Variants in CAMK2D observed in about 807,000 individuals in gnomAD.
The protein encoded by CAMK2D is calcium/calmodulin-dependent protein kinase type II subunit delta.
A neutral mutation model predicts 84.0 loss-of-function variants in CAMK2D; 37 were observed. The observed-to-expected ratio is 0.44, with a 90% CI of 0.34 to 0.58. The LOEUF is 0.58. Ranked by LOEUF, CAMK2D falls within the 20% of genes least tolerant of loss-of-function variation. The pLI is 0.02. For synonymous variants in CAMK2D, 202 were observed against 212.5 expected (o/e 0.95, Z 0.43); for missense variants, 448 against 652.5 (o/e 0.69, Z 3.41).
chr4:113,473,632 T>C (rs1055506253), intron 16 of CAMK2D, among the ~76,000 whole-genome samples: 1 of 152,142 alleles, frequency 6.6e-6, no homozygotes, highest in African/African-American at 2.4e-5. Context: ...GCTTTCAGGA[T>C]TAAAAAAAAT....
intron 5 of CAMK2D, among the ~76,000 whole-genome samples, chr4:113,550,916 T>C (rs2098623327): frequency 6.6e-6 from 1 of 152,148 alleles, no homozygotes; most frequent in Admixed American, 6.5e-5. Flanking sequence ...AACAGTGCAT[T>C]AAACCAAGAA....
rs118017350 is a variant in CAMK2D at position 113,483,385 on chromosome 4, G to A, written c.1135+17078C>T. 1.6e-3 allele frequency among the ~76,000 whole-genome samples: 244 copies of A among 151,828 alleles called. 4 individuals are homozygous for A. Among genetic ancestry groups the A allele is most frequent in the East Asian group, 8.3e-3 (43 of 5,180 alleles). Reference sequence around the variant, plus strand: ...AAGCATTCTGTGTTTGTTCACATATGATAGCAGCTATATCCTTATGCTTCT... The same window carrying A: ...AAGCATTCTGTGTTTGTTCACATATAATAGCAGCTATATCCTTATGCTTCT... On this transcript the variant is annotated intron_variant, in intron 16 of 20. Coordinates refer to ENST00000511664, the MANE Select transcript of CAMK2D (RefSeq NM_001321571.2).
Position 113,630,632 on chromosome 4 carries a change from C to T in CAMK2D, c.221-21426G>A, listed in dbSNP as rs1003346520. On this transcript the variant is annotated intron_variant, in intron 3 of 20. Coordinates refer to ENST00000511664, the MANE Select transcript of CAMK2D (RefSeq NM_001321571.2). ...ATGTCAACTGCCAATGCCACCAGGA[C>T]CAATGTCACTTTCATATCAAAAATT... Among the ~76,000 whole-genome samples, 27 of 152,264 alleles carry T rather than the reference C, an allele frequency of 1.8e-4. No individual in the cohort carries two copies. The South Asian group carries it at 3.7e-3, about 21-fold the overall frequency.
chr4:113,464,619 A>G (rs1272382761), intron 17 of CAMK2D, among the ~76,000 whole-genome samples: 1 of 151,770 alleles, frequency 6.6e-6, no homozygotes, highest in Non-Finnish European at 1.5e-5. Context: ...TAACTTCAGC[A>G]AAGTAATTTC....
chr4:113,669,747 T>C (rs1208569495), intron 2 of CAMK2D, among the ~76,000 whole-genome samples: 2 of 152,116 alleles, frequency 1.3e-5, no homozygotes, highest in African/African-American at 4.8e-5. Context: ...CTTATGAAGG[T>C]CACCAGAGGA....
At chr4:113,563,169 G>A (rs887373716) in intron 4 of CAMK2D, among the ~76,000 whole-genome samples, 6 of 152,062 alleles carry the variant, frequency 3.9e-5, no homozygotes, top group Non-Finnish European at 8.8e-5. Flanking sequence ...CAGGACAATT[G>A]CTTGAACCTG....
intron 4 of CAMK2D, among the ~76,000 whole-genome samples, chr4:113,595,862 T>A (rs2098923624): frequency 6.6e-6 from 1 of 152,166 alleles, no homozygotes; most frequent in Non-Finnish European, 1.5e-5. Context: ...GATGGGGTGG[T>A]GGCTGCTGAA....
At chr4:113,708,487 T>A (rs1271759421) in intron 2 of CAMK2D, among the ~76,000 whole-genome samples, 1 of 152,190 alleles carries the variant, frequency 6.6e-6, no homozygotes, top group Non-Finnish European at 1.5e-5. Context: ...GCCTGGTAAC[T>A]AACTGGGCTC....
At chr4:113,454,656 T>C in intron 20 of CAMK2D, 141 bp from the exon 21 acceptor site, 1 of 556,934 alleles carries the variant, frequency 1.8e-6, no homozygotes, top group Non-Finnish European at 3.3e-6. Context: ...ATAAGAGATG[T>C]TTGCTTGTGA....
At chr4:113,509,573 T>C (rs2098181712) in intron 13 of CAMK2D, 65 bp downstream of exon 13, 2 of 1,020,096 alleles carry the variant, frequency 2.0e-6, no homozygotes, top group Non-Finnish European at 3.1e-6. Flanking sequence ...GAATTATATA[T>C]AACATTTAAA....
At chr4:113,515,000 T>C in intron 10 of CAMK2D, 69 bp downstream of exon 10, 1 of 1,379,570 alleles carries the variant, frequency 7.2e-7, no homozygotes, top group Non-Finnish European at 1.0e-6. Flanking sequence ...TTTAAATCCA[T>C]AAACAATATA....
intron 2 of CAMK2D, among the ~76,000 whole-genome samples, chr4:113,691,683 G>A (rs2099387633): frequency 6.6e-6 from 1 of 152,060 alleles, no homozygotes; most frequent in African/African-American, 2.4e-5. Context: ...AACCTGGGAG[G>A]CAGAAGTTGC....
intron 4 of CAMK2D, among the ~76,000 whole-genome samples, chr4:113,601,123 T>C (rs1407399148): frequency 6.6e-6 from 1 of 152,202 alleles, no homozygotes; most frequent in Non-Finnish European, 1.5e-5. Flanking sequence ...AAAGAGTCTT[T>C]AGGAGACAAG....
intron 2 of CAMK2D, among the ~76,000 whole-genome samples, chr4:113,662,543 G>T (rs1257212829): frequency 1.3e-5 from 2 of 152,162 alleles, no homozygotes; most frequent in East Asian, 3.8e-4. Flanking sequence ...GGGTAGCAGT[G>T]TATAGTGGTC....
intron 13 of CAMK2D, among the ~76,000 whole-genome samples, chr4:113,505,271 C>T (rs539128611): frequency 6.6e-6 from 1 of 152,304 alleles, no homozygotes; most frequent in African/African-American, 2.4e-5. Flanking sequence ...TCTGCTGTTG[C>T]TATGCCACCT....
intron 4 of CAMK2D, among the ~76,000 whole-genome samples, chr4:113,607,804 G>A (rs1040803125): frequency 6.6e-6 from 1 of 152,008 alleles, no homozygotes; most frequent in Non-Finnish European, 1.5e-5. Context: ...TCACATGGAT[G>A]CGCATGACAC....
At chr4:113,468,813 T>A (rs889370401) in intron 16 of CAMK2D, among the ~76,000 whole-genome samples, 1 of 152,170 alleles carries the variant, frequency 6.6e-6, no homozygotes, top group African/African-American at 2.4e-5. Flanking sequence ...GAATGCAGAA[T>A]GTACCAGTAA....
chr4:113,746,412 G>A (rs2099604263), intron 2 of CAMK2D, among the ~76,000 whole-genome samples: 1 of 152,034 alleles, frequency 6.6e-6, no homozygotes, highest in Admixed American at 6.6e-5. Flanking sequence ...CCCTGTTCAT[G>A]CCTCAGAGCC....
intron 8 of CAMK2D, among the ~76,000 whole-genome samples, chr4:113,524,560 C>T (rs1023968611): frequency 6.6e-6 from 1 of 152,182 alleles, no homozygotes; most frequent in African/African-American, 2.4e-5. Context: ...ATTTGGGTTA[C>T]TTCCACCTCC....
Sources: allele counts gnomAD v4.1 joint callset (sites outside exome capture counted in the v4.1 genomes callset), GRCh38; gene constraint gnomAD v4.1.1; transcripts MANE v1.5; gene names NCBI Gene and HGNC (gene_info 2026-07-23, HGNC 2026-07-21).